Variants in LRRC28 observed in about 807,000 individuals in gnomAD.
LRRC28 encodes the protein leucine rich repeat containing 28.
A neutral mutation model predicts 45.7 loss-of-function variants in LRRC28; 39 were observed. The ratio of observed to expected loss-of-function variants is 0.85; its 90% CI spans 0.66 to 1.12. The LOEUF (loss-of-function observed/expected upper bound fraction) is 1.12, where lower values mean the gene tolerates loss of function less well. Ranked by LOEUF, LRRC28 falls within the 50% of genes most tolerant of loss-of-function variation. The probability of loss-of-function intolerance (pLI) is 0.00; values close to 1 mark genes in which losing one functional copy is unlikely to be tolerated. For synonymous variants in LRRC28, 206 were observed against 178.8 expected (o/e 1.15, Z -1.22); for missense variants, 435 against 438.5 (o/e 0.99, Z 0.07).
chr15:99,289,574 A>G (rs530938818), intron 5 of LRRC28, among the ~76,000 whole-genome samples: 1 of 152,368 alleles, frequency 6.6e-6, no homozygotes, highest in African/African-American at 2.4e-5. Flanking sequence ...AAATTAAAAC[A>G]TACTAATGGA....
rs1008724657 is a variant in LRRC28 at position 99,388,903 on chromosome 15, C to G, written c.*2801C>G. 1.3e-5 allele frequency: 2 copies of G among 152,098 alleles called. No homozygotes were observed. The highest frequency in any genetic ancestry group is 2.9e-5 in the Non-Finnish European group (2 of 68,018). 9.4% of individuals were successfully genotyped at this position (152,098 alleles called of 1,614,324 possible). The stretch of plus-strand genomic sequence containing the variant: ...TCCTATGAAGTAGTGCAAAGGGGGC[C>G]GATTTTAGTGGATTACCCTATCAGT... On this transcript the variant is annotated 3_prime_UTR_variant, in exon 10 of 10. Transcript: ENST00000301981.
intron 5 of LRRC28, among the ~76,000 whole-genome samples, chr15:99,294,182 C>T: frequency 6.6e-6 from 1 of 151,666 alleles, no homozygotes. Flanking sequence ...TTATATTTAC[C>T]CTTCTTGGGG....
In LRRC28 at chr15:99,363,065, G is replaced by C. The variant is rs770129125; in HGVS notation, c.872-41G>C. 72 of 1,574,966 alleles carry C rather than the reference G, an allele frequency of 4.6e-5. No individual in the cohort carries two copies. The South Asian group carries it at 8.2e-4, about 18-fold the overall frequency. On this transcript the variant is annotated intron_variant, in intron 8 of 9. Transcript: ENST00000301981. ...TAAGAAGCGTAGTTTAAGGAAGTCT[G>C]ATTTTTTTACTCGTGTGCGTGATTT...
chr15:99,285,796 G>T, intron 3 of LRRC28: 1 of 460,898 alleles, frequency 2.2e-6, no homozygotes. Context: ...CAAGTATTTT[G>T]TTGAAAAAAA....
rs2081012061 is a variant in LRRC28 at position 99,256,098 on chromosome 15, T to C, written c.141T>C (p.Tyr47=). ...GACTGCAGTACTTGGAGAGACTCTA[T>C]ATGAAAAGGAACTCCCTGACATCCT... ...DEGLQYLERL[Y]MKRNSLTSLP... is the part of the protein sequence containing the mutation. The change falls in exon 2 of 10, where the codon TAT becomes TAC. Residue 47 remains tyrosine (Y), a synonymous_variant. Coordinates refer to ENST00000301981, the MANE Select transcript of LRRC28 (RefSeq NM_144598.5). 1.2e-6 allele frequency: 2 copies of C among 1,611,486 alleles called. No individual in the cohort carries two copies. Among genetic ancestry groups the C allele is most frequent in the South Asian group, 1.1e-5 (1 of 90,624 alleles).
At chr15:99,293,592 A>AC (rs1434266331) in intron 5 of LRRC28, among the ~76,000 whole-genome samples, 106 of 100,460 alleles carry the variant, frequency 1.1e-3, no homozygotes, top group African/African-American at 3.5e-3. Context: ...AAACTCTGTC[A>AC]CAAAAAAAAA....
chr15:99,346,566 A>C (rs987322231), intron 6 of LRRC28, among the ~76,000 whole-genome samples: 1 of 152,242 alleles, frequency 6.6e-6, no homozygotes, highest in Non-Finnish European at 1.5e-5. Context: ...GCAAAAGGAA[A>C]AATGTGCACT....
In LRRC28 at chr15:99,287,819, G is replaced by C. The variant is rs750207102; in HGVS notation, c.253G>C (p.Gly85Arg). 1 of 1,603,012 alleles carries C rather than the reference G, an allele frequency of 6.2e-7. No individual in the cohort carries two copies. Among genetic ancestry groups the C allele is most frequent in the Non-Finnish European group, 8.5e-7 (1 of 1,174,042 alleles). ...TTCTCCTTTTCTCTTTGAAGCCATT[G>C]GGTCTCTTGTAAAACTCCAATGTCT... ...NNIVVVPEAI[G>R]SLVKLQCLDL... Residue 85 changes from glycine to arginine, a missense_variant, in exon 5 of 10, where the codon GGG (glycine) becomes CGG (arginine). Physicochemically the swap from Gly to Arg is moderately radical, Grantham distance 125. Transcript: ENST00000301981.
intron 7 of LRRC28, chr15:99,355,377 G>T (rs576351698): frequency 9.2e-5 from 14 of 152,280 alleles, no homozygotes; most frequent in African/African-American, 2.6e-4. Flanking sequence ...ACACACTGTT[G>T]TTTCTGTTAT....
At chr15:99,336,274 A>T (rs1331115149) in intron 6 of LRRC28, among the ~76,000 whole-genome samples, 1 of 152,210 alleles carries the variant, frequency 6.6e-6, no homozygotes, top group Non-Finnish European at 1.5e-5. Flanking sequence ...TTGGCAACCT[A>T]ATTTTATAGA....
At chr15:99,373,725 T>C (rs1957547975) in intron 9 of LRRC28, among the ~76,000 whole-genome samples, 1 of 152,158 alleles carries the variant, frequency 6.6e-6, no homozygotes, top group South Asian at 2.1e-4. Flanking sequence ...TTACAGAATT[T>C]CCTGAGTTAA....
At chr15:99,347,514 G>C (rs1956732098) in intron 6 of LRRC28, among the ~76,000 whole-genome samples, 1 of 152,174 alleles carries the variant, frequency 6.6e-6, no homozygotes, top group African/African-American at 2.4e-5. Context: ...AAAATACTCT[G>C]TATATAAGTG....
intron 9 of LRRC28, among the ~76,000 whole-genome samples, chr15:99,371,896 C>G (rs954473254): frequency 1.2e-4 from 18 of 152,212 alleles, no homozygotes; most frequent in African/African-American, 4.1e-4. Context: ...TCATACATAT[C>G]TCATTCCTAA....
chr15:99,342,592 T>C (rs1956552093), intron 6 of LRRC28, among the ~76,000 whole-genome samples: 1 of 152,204 alleles, frequency 6.6e-6, no homozygotes, highest in Admixed American at 6.5e-5. Context: ...GTAACTAGAC[T>C]GTAAGGAAGT....
chr15:99,367,784 A>C (rs1030306458), intron 9 of LRRC28, among the ~76,000 whole-genome samples: 2 of 152,106 alleles, frequency 1.3e-5, no homozygotes, highest in African/African-American at 4.8e-5. Flanking sequence ...CTCCAAACCC[A>C]GTCCTTTGGG....
intron 2 of LRRC28, among the ~76,000 whole-genome samples, chr15:99,264,392 G>C (rs182012603): frequency 7.2e-5 from 11 of 152,136 alleles, no homozygotes; most frequent in Admixed American, 1.3e-4. Context: ...AGCGGGGAGT[G>C]GGGGGTGGAA....
chr15:99,390,242 G>C lies in LRRC28; in HGVS notation c.*4140G>C, dbSNP rs1314009573. 6.6e-6 allele frequency: 1 copy of C among 152,252 alleles called. No individual in the cohort carries two copies. Among genetic ancestry groups the C allele is most frequent in the Non-Finnish European group, 1.5e-5 (1 of 68,062 alleles). 9.4% of individuals were successfully genotyped at this position (152,252 alleles called of 1,614,324 possible). A position where few individuals can be genotyped will look rare whatever the true frequency, so the allele number is the denominator to read the frequency against. On this transcript the variant is annotated 3_prime_UTR_variant, in exon 10 of 10. Coordinates refer to ENST00000301981, the MANE Select transcript of LRRC28 (RefSeq NM_144598.5). ...AGGAATTGATCATAGCCAAGTGACT[G>C]ACATTCTCTCGGTCAGGAAAAGAGC...
chr15:99,292,916 T>A (rs1473902298), intron 5 of LRRC28, among the ~76,000 whole-genome samples: 1 of 152,244 alleles, frequency 6.6e-6, no homozygotes, highest in East Asian at 1.9e-4. Context: ...GTTTTAGTTG[T>A]TAGGGTGAGA....
At chr15:99,297,181 CA>C (rs71149459) in intron 5 of LRRC28, 573 of 103,478 alleles carry the variant, frequency 5.5e-3, no homozygotes, top group Middle Eastern at 0.015. Context: ...AACTCTGTCT[CA>C]AAAAAAAAAA....
Sources: gnomAD v4.1 joint callset for allele counts (sites outside exome capture counted in the v4.1 genomes callset) on GRCh38, gnomAD v4.1.1 for gene constraint, MANE v1.5 for transcripts, NCBI Gene and HGNC (gene_info 2026-07-23, HGNC 2026-07-21) for gene names.